Variants in SUPT3H observed in about 807,000 individuals in gnomAD.
The protein encoded by SUPT3H is transcription initiation protein SPT3 homolog.
SUPT3H carries 44 observed loss-of-function variants against 44.3 expected under a neutral mutation model. The ratio of observed to expected loss-of-function variants is 0.99; its 90% confidence interval spans 0.78 to 1.28. SUPT3H has a LOEUF of 1.28. Ranked by LOEUF, SUPT3H falls within the 50% of genes most tolerant of loss-of-function variation. The pLI, the probability that SUPT3H is intolerant of heterozygous loss-of-function variation, is 0.00. For missense variants in SUPT3H, 380 were observed against 387.1 expected (o/e 0.98, Z 0.15); for synonymous variants, 124 against 125.6 (o/e 0.99, Z 0.09).
chr6:45,226,342 T>G (rs1191152691), intron 2 of SUPT3H, among the ~76,000 whole-genome samples: 1 of 152,166 alleles, frequency 6.6e-6, no homozygotes, highest in African/African-American at 2.4e-5. Flanking sequence ...TGTTTGAGTG[T>G]GTGTGTGTGT....
At position 44,829,526 on chromosome 6, in the gene SUPT3H, C is replaced by A. The variant is rs1012679672; in HGVS notation, c.*290G>T. ...GCTTTTAAGGTATGTGAGCTGAGGG[C>A]AGTAAATCTACTCAAATTAAAATTT... On this transcript the variant is annotated 3_prime_UTR_variant, in exon 11 of 11. Transcript: ENST00000371459. The A allele has an allele frequency of 1.4e-5, 4 of 290,322 alleles. No homozygotes were observed. The highest frequency in any genetic ancestry group is 2.2e-5 in the African/African-American group (1 of 45,096). The allele number at this position is 290,322 out of a possible 1,614,324, so 18.0% of individuals were successfully genotyped here. A position where few individuals can be genotyped will look rare whatever the true frequency, so the allele number is the denominator to read the frequency against.
At chr6:44,812,779 G>A (rs1766623541) in intron 11 of SUPT3H, among the ~76,000 whole-genome samples, 1 of 152,220 alleles carries the variant, frequency 6.6e-6, no homozygotes, top group Non-Finnish European at 1.5e-5. Flanking sequence ...AATTATGGCA[G>A]TATCACTGGG....
At chr6:45,256,393 C>T (rs1208853692) in intron 2 of SUPT3H, among the ~76,000 whole-genome samples, 1 of 152,148 alleles carries the variant, frequency 6.6e-6, no homozygotes, top group Non-Finnish European at 1.5e-5. Context: ...TGTTTCCTCA[C>T]ATGGAGGAAG....
At chr6:45,193,780 T>C (rs901891047) in intron 2 of SUPT3H, among the ~76,000 whole-genome samples, 2 of 152,082 alleles carry the variant, frequency 1.3e-5, no homozygotes, top group African/African-American at 4.8e-5. Context: ...ATCAGTAGAG[T>C]CACACCAGGT....
At chr6:45,311,034 A>G (rs1310287273) in intron 2 of SUPT3H, among the ~76,000 whole-genome samples, 1 of 152,250 alleles carries the variant, frequency 6.6e-6, no homozygotes, top group Admixed American at 6.5e-5. Context: ...AAAAAGTGAT[A>G]TAAGAAGTGA....
chr6:45,206,438 A>C (rs1763234029), intron 2 of SUPT3H, among the ~76,000 whole-genome samples: 1 of 152,164 alleles, frequency 6.6e-6, no homozygotes, highest in South Asian at 2.1e-4. Context: ...GAAGAAACTG[A>C]GATCAGAAAA....
rs1779693295 is a variant in SUPT3H at position 45,288,536 on chromosome 6, T to G, written c.101+76665A>C. On this transcript the variant is annotated intron_variant, in intron 2 of 10. Transcript: ENST00000371459. The stretch of plus-strand genomic sequence containing the variant: ...TACACACAATAAGAGATACAATGTG[T>G]GTGTGTGTGTGTATATATATATATA... Among the ~76,000 whole-genome samples, 3 of 57,304 alleles carry G rather than the reference T, an allele frequency of 5.2e-5. 1 individual carries two copies. The highest frequency in any genetic ancestry group is 1.2e-4 in the Non-Finnish European group (3 of 25,146). The allele number at this position is 57,304 out of a possible 152,430, so 37.6% of individuals were successfully genotyped here.
chr6:44,964,785 C>T (rs1381470965), intron 6 of SUPT3H, among the ~76,000 whole-genome samples: 3 of 152,140 alleles, frequency 2.0e-5, no homozygotes, highest in African/African-American at 4.8e-5. Context: ...AAACACTCCA[C>T]GCAAAGCAGC....
intron 2 of SUPT3H, among the ~76,000 whole-genome samples, chr6:45,275,494 T>C (rs930031585): frequency 2.0e-5 from 3 of 152,184 alleles, no homozygotes; most frequent in Non-Finnish European, 4.4e-5. Context: ...AAGTATCACG[T>C]CTTGAAAGAC....
chr6:44,811,427 T>A (rs572371615), intron 11 of SUPT3H, among the ~76,000 whole-genome samples: 1 of 152,308 alleles, frequency 6.6e-6, no homozygotes, highest in Admixed American at 6.5e-5. Flanking sequence ...AAGATGTATG[T>A]ATGGGTACCA....
intron 9 of SUPT3H, among the ~76,000 whole-genome samples, chr6:44,950,583 A>G (rs945788125): frequency 6.6e-6 from 1 of 152,138 alleles, no homozygotes; most frequent in African/African-American, 2.4e-5. Context: ...GTGAATAGCC[A>G]CTGCACTCCA....
intron 2 of SUPT3H, among the ~76,000 whole-genome samples, chr6:45,335,756 T>A (rs12199256): frequency 3.3e-5 from 5 of 150,880 alleles, no homozygotes; most frequent in Non-Finnish European, 7.4e-5. Context: ...ATGAGAAAAC[T>A]CCCATCAAGA....
intron 6 of SUPT3H, among the ~76,000 whole-genome samples, chr6:44,982,454 AC>A (rs1779230903): frequency 6.6e-6 from 1 of 152,132 alleles, no homozygotes; most frequent in Non-Finnish European, 1.5e-5. Flanking sequence ...CCATCTCCTG[AC>A]CTCAATCTCC....
At chr6:45,176,096 T>A (rs1811764180) in intron 2 of SUPT3H, among the ~76,000 whole-genome samples, 2 of 152,076 alleles carry the variant, frequency 1.3e-5, no homozygotes, top group Non-Finnish European at 2.9e-5. Flanking sequence ...TAGGAACAGC[T>A]CTGGTCTACA....
intron 9 of SUPT3H, among the ~76,000 whole-genome samples, chr6:44,934,541 T>C (rs776752010): frequency 2.0e-5 from 3 of 152,170 alleles, no homozygotes; most frequent in Non-Finnish European, 4.4e-5. Context: ...CTAAAATTTG[T>C]ACGTTGAAAT....
chr6:45,079,194 C>T (rs910777589), intron 3 of SUPT3H, among the ~76,000 whole-genome samples: 2 of 152,080 alleles, frequency 1.3e-5, no homozygotes, highest in African/African-American at 2.4e-5. Context: ...CCTGTAGTCC[C>T]AGCTACTTGG....
chr6:45,329,023 T>C (rs1445467292), intron 2 of SUPT3H, among the ~76,000 whole-genome samples: 1 of 151,998 alleles, frequency 6.6e-6, no homozygotes, highest in Non-Finnish European at 1.5e-5. Context: ...CTCACATTGA[T>C]CAAAATGTTT....
chr6:44,847,464 T>C (rs1772069252), intron 10 of SUPT3H, among the ~76,000 whole-genome samples: 1 of 152,010 alleles, frequency 6.6e-6, no homozygotes, highest in African/African-American at 2.4e-5. Flanking sequence ...AATTTTTAAA[T>C]GGAAACTTAA....
At chr6:45,267,038 C>T (rs936028948) in intron 2 of SUPT3H, among the ~76,000 whole-genome samples, 13 of 151,988 alleles carry the variant, frequency 8.6e-5, no homozygotes, top group African/African-American at 1.4e-4. Context: ...AAGGTATATA[C>T]GAAACATAAA....
Sources: gnomAD v4.1 joint callset for allele counts (sites outside exome capture counted in the v4.1 genomes callset) on GRCh38, gnomAD v4.1.1 for gene constraint, MANE v1.5 for transcripts, NCBI Gene and HGNC (gene_info 2026-07-23, HGNC 2026-07-21) for gene names.